Variants in PTPRD observed in about 807,000 individuals in gnomAD.
The protein encoded by PTPRD is protein tyrosine phosphatase receptor type D, also known as receptor-type tyrosine-protein phosphatase delta.
A neutral mutation model predicts 214.5 loss-of-function variants in PTPRD; 34 were observed. The observed-to-expected ratio is 0.16, with a 90% CI of 0.12 to 0.21. The LOEUF is 0.21. Ranked by LOEUF, PTPRD falls within the 10% of genes least tolerant of loss-of-function variation. PTPRD has a pLI of 1.00. For synonymous variants in PTPRD, 1,128 were observed against 845.7 expected, an observed-to-expected ratio of 1.33 and a Z score of -5.79; for missense variants, 2,545 against 2,398.7, an observed-to-expected ratio of 1.06 and a Z score of -1.27.
chr9:10,300,392 T>C (rs972482075), intron 3 of PTPRD, among the ~76,000 whole-genome samples: 1 of 152,060 alleles, frequency 6.6e-6, no homozygotes, highest in Non-Finnish European at 1.5e-5. Context: ...CAGTGGCACC[T>C]GGAATGCCAG....
intron 4 of PTPRD, among the ~76,000 whole-genome samples, chr9:10,001,027 G>A (rs547591612): frequency 6.6e-6 from 1 of 152,246 alleles, no homozygotes; most frequent in East Asian, 1.9e-4. Context: ...AGCACACAGG[G>A]TTTCTCTCTT....
chr9:9,244,737 A>T (rs1433092274), intron 9 of PTPRD, among the ~76,000 whole-genome samples: 8 of 152,170 alleles, frequency 5.3e-5, no homozygotes, highest in Non-Finnish European at 1.0e-4. Flanking sequence ...CAAGGACTTC[A>T]TGTCTAAAAC....
chr9:10,120,126 T>G (rs2098763300), intron 3 of PTPRD, among the ~76,000 whole-genome samples: 1 of 152,040 alleles, frequency 6.6e-6, no homozygotes, highest in African/African-American at 2.4e-5. Flanking sequence ...AAACTGACAT[T>G]TGGTGCTAAG....
At chr9:8,421,072 G>T (rs2094327238) in intron 35 of PTPRD, among the ~76,000 whole-genome samples, 1 of 152,036 alleles carries the variant, frequency 6.6e-6, no homozygotes, top group Admixed American at 6.6e-5. Context: ...GTCTCCAAAA[G>T]ACTTCTGCTG....
intron 3 of PTPRD, among the ~76,000 whole-genome samples, chr9:10,259,189 A>AG (rs1554970635): frequency 4.6e-5 from 7 of 151,180 alleles, no homozygotes; most frequent in Non-Finnish European, 8.9e-5. Flanking sequence ...CGCCCGGCTA[A>AG]TTTTTTTTGT....
intron 3 of PTPRD, among the ~76,000 whole-genome samples, chr9:10,052,081 A>T (rs1045291325): frequency 6.6e-6 from 1 of 152,082 alleles, no homozygotes; most frequent in Non-Finnish European, 1.5e-5. Flanking sequence ...AGTAGCTGGG[A>T]CCACAGGCAG....
chr9:10,055,117 T>G (rs984693484), intron 3 of PTPRD, among the ~76,000 whole-genome samples: 1 of 152,144 alleles, frequency 6.6e-6, no homozygotes, highest in African/African-American at 2.4e-5. Context: ...GAATTGAATC[T>G]TCCTAATCTT....
chr9:8,981,181 A>T (rs533535916), intron 11 of PTPRD, among the ~76,000 whole-genome samples: 2 of 152,066 alleles, frequency 1.3e-5, no homozygotes, highest in Admixed American at 6.6e-5. Flanking sequence ...TTGTTCTTCA[A>T]TGAAAACACA....
chr9:9,469,195 GAT>G (rs1013045665), intron 8 of PTPRD, among the ~76,000 whole-genome samples: 1 of 151,896 alleles, frequency 6.6e-6, no homozygotes, highest in Admixed American at 6.6e-5. Flanking sequence ...AATGCTAATG[GAT>G]ATATGTTAAA....
At chr9:8,468,618 C>T (rs984603281) in intron 31 of PTPRD, among the ~76,000 whole-genome samples, 40 of 151,774 alleles carry the variant, frequency 2.6e-4, no homozygotes, top group Admixed American at 1.6e-3. Context: ...ATGAGGTATA[C>T]GTGTGGAAAT....
chr9:9,170,658 G>T (rs758796472), intron 10 of PTPRD, among the ~76,000 whole-genome samples: 1 of 152,142 alleles, frequency 6.6e-6, no homozygotes, highest in Non-Finnish European at 1.5e-5. Context: ...TCTCTGCTGT[G>T]GTTAAGTGGA....
chr9:9,572,699 A>T (rs1001929763), intron 8 of PTPRD, among the ~76,000 whole-genome samples: 2 of 150,496 alleles, frequency 1.3e-5, no homozygotes, highest in East Asian at 1.9e-4. Context: ...ATGTATAAAC[A>T]TAACCTAATA....
chr9:8,691,200 C>T (rs57325817), intron 12 of PTPRD, among the ~76,000 whole-genome samples: 44,500 of 151,708 alleles, frequency 0.29, 7,369 homozygotes, highest in African/African-American at 0.43. Context: ...TCATTTGATT[C>T]GAGAAGGACC....
At chr9:9,326,750 T>A (rs1423854336) in intron 9 of PTPRD, among the ~76,000 whole-genome samples, 1 of 151,530 alleles carries the variant, frequency 6.6e-6, no homozygotes, top group Non-Finnish European at 1.5e-5. Context: ...AACAGAAATA[T>A]GCAGGCATCC....
intron 4 of PTPRD, among the ~76,000 whole-genome samples, chr9:9,942,027 T>G (rs2091590262): frequency 6.6e-6 from 1 of 152,220 alleles, no homozygotes; most frequent in Non-Finnish European, 1.5e-5. Flanking sequence ...TTATTCCATT[T>G]TGTGACTAGG....
chr9:9,590,523 G>A (rs916035173), intron 7 of PTPRD, among the ~76,000 whole-genome samples: 2 of 151,806 alleles, frequency 1.3e-5, no homozygotes, highest in African/African-American at 4.8e-5. Context: ...TGTATTTTAT[G>A]TCTTATTTTC....
chr9:9,922,362 T>A (rs1014862174), intron 5 of PTPRD, among the ~76,000 whole-genome samples: 7 of 152,236 alleles, frequency 4.6e-5, no homozygotes, highest in African/African-American at 1.7e-4. Flanking sequence ...TCAGAGCTAT[T>A]ATTGGAAGTT....
chr9:9,387,548 T>A (rs895659714), intron 9 of PTPRD, among the ~76,000 whole-genome samples: 3 of 152,138 alleles, frequency 2.0e-5, no homozygotes, highest in Non-Finnish European at 4.4e-5. Context: ...CTGAAAAAAA[T>A]TCCCTCCTCT....
At chr9:8,703,128 T>A (rs1428152552) in intron 12 of PTPRD, among the ~76,000 whole-genome samples, 1 of 152,198 alleles carries the variant, frequency 6.6e-6, no homozygotes, top group East Asian at 1.9e-4. Flanking sequence ...TACTTGGGGA[T>A]TATACCAATA....
Sources: gnomAD v4.1 joint callset for allele counts (sites outside exome capture counted in the v4.1 genomes callset) on GRCh38, gnomAD v4.1.1 for gene constraint, MANE v1.5 for transcripts, NCBI Gene and HGNC (gene_info 2026-07-23, HGNC 2026-07-21) for gene names.